Variants in CNBD1 observed in about 807,000 individuals in gnomAD.
The protein encoded by CNBD1 is cyclic nucleotide binding domain containing 1.
A neutral mutation model predicts 54.4 loss-of-function variants in CNBD1; 71 were observed. The observed-to-expected ratio is 1.30, with a 90% CI of 1.08 to 1.59. The LOEUF (loss-of-function observed/expected upper bound fraction) is 1.59. Among genes scored for constraint, CNBD1 ranks in the 40% most tolerant of loss-of-function variants. CNBD1 has a pLI of 0.00. For missense variants in CNBD1, 659 were observed against 518.0 expected (o/e 1.27, Z -2.64); for synonymous variants, 182 against 170.7 (o/e 1.07, Z -0.51).
intron 4 of CNBD1, among the ~76,000 whole-genome samples, chr8:87,140,835 G>A (rs961363855): frequency 3.3e-5 from 5 of 152,120 alleles, no homozygotes; most frequent in Admixed American, 6.5e-5. Context: ...GGCATAACTG[G>A]TGACAGTATG....
chr8:87,373,868 A>C (rs1364357251), intron 10 of CNBD1, among the ~76,000 whole-genome samples: 1 of 151,518 alleles, frequency 6.6e-6, no homozygotes, highest in Non-Finnish European at 1.5e-5. Context: ...CTATGCCTGT[A>C]CAAATGTAAT....
At chr8:86,905,745 A>G (rs1770703199) in intron 3 of CNBD1, among the ~76,000 whole-genome samples, 1 of 152,210 alleles carries the variant, frequency 6.6e-6, no homozygotes, top group Non-Finnish European at 1.5e-5. Context: ...TAAAGGATGA[A>G]GGTAGATTGC....
At chr8:87,258,686 T>C (rs976847994) in intron 6 of CNBD1, among the ~76,000 whole-genome samples, 1 of 152,172 alleles carries the variant, frequency 6.6e-6, no homozygotes, top group African/African-American at 2.4e-5. Context: ...TCAACCCCAA[T>C]TTTCAGTAAA....
chr8:87,018,621 T>A (rs1006654326), intron 4 of CNBD1, among the ~76,000 whole-genome samples: 2 of 152,200 alleles, frequency 1.3e-5, no homozygotes, highest in African/African-American at 2.4e-5. Flanking sequence ...TAAATGTTAT[T>A]TATCTCTTTT....
rs754680070 is a variant in CNBD1, at chr8:87,237,000, G to A, written c.659G>A (p.Gly220Glu). Residue 220 changes from glycine (G) to glutamate (E), a missense_variant, in exon 6 of 11, where the codon GGA (glycine) becomes GAA (glutamate). Transcript: ENST00000518476. ...AACGTGTATAAAAATCTGATTGAAGGAAGTGATTCACCAGACTCGTTCATA... is the reference window on the plus strand; with the variant it reads ...AACGTGTATAAAAATCTGATTGAAGAAAGTGATTCACCAGACTCGTTCATA... ...QTNVYKNLIE[G>E]SDSPDSFISQ... 1.2e-5 allele frequency: 19 copies of A among 1,612,216 alleles called. No homozygotes were observed. The highest frequency in any genetic ancestry group is 2.2e-5 in the South Asian group (2 of 90,988).
intron 8 of CNBD1, among the ~76,000 whole-genome samples, chr8:87,309,294 G>A (rs1006440363): frequency 2.6e-5 from 4 of 151,830 alleles, no homozygotes; most frequent in African/African-American, 4.8e-5. Flanking sequence ...TAATATAATC[G>A]GTTTCTTCTT....
chr8:86,953,961 G>A lies in CNBD1; in HGVS notation c.431+14207G>A, dbSNP rs75816068. 1.4e-3 allele frequency among the ~76,000 whole-genome samples: 210 copies of A among 152,286 alleles called. 3 individuals carry two copies. The East Asian group carries it at 0.038, about 27-fold the overall frequency. Reference sequence around the variant, plus strand: ...CAGGGGCTCTCTTTAGCATTGAAATGCTAGGGATTAGGAAAGACAATTTCG... The same window carrying A: ...CAGGGGCTCTCTTTAGCATTGAAATACTAGGGATTAGGAAAGACAATTTCG... On this transcript the variant is annotated intron_variant, in intron 4 of 10. Coordinates refer to ENST00000518476, the MANE Select transcript of CNBD1 (RefSeq NM_173538.3).
intron 8 of CNBD1, among the ~76,000 whole-genome samples, chr8:87,329,037 A>T (rs1027100719): frequency 5.7e-5 from 8 of 140,182 alleles, no homozygotes; most frequent in Non-Finnish European, 1.3e-4. Flanking sequence ...CTTTTCTCCT[A>T]GGAGTTTTAT....
intron 5 of CNBD1, among the ~76,000 whole-genome samples, chr8:87,236,146 A>C (rs1363746472): frequency 1.3e-5 from 2 of 152,184 alleles, no homozygotes; most frequent in Non-Finnish European, 2.9e-5. Context: ...ATATCTCCTG[A>C]CAGCACTTGA....
chr8:87,327,654 C>T (rs1287109980), intron 8 of CNBD1, among the ~76,000 whole-genome samples: 1 of 152,216 alleles, frequency 6.6e-6, no homozygotes, highest in African/African-American at 2.4e-5. Flanking sequence ...CCTCGCCCTG[C>T]TTCGGCTCGT....
At chr8:86,877,091 A>G (rs1031475574) in intron 1 of CNBD1, among the ~76,000 whole-genome samples, 21 of 152,052 alleles carry the variant, frequency 1.4e-4, no homozygotes, top group African/African-American at 2.4e-5. Flanking sequence ...TTGTTGCAAC[A>G]AATATTTAAG....
intron 8 of CNBD1, among the ~76,000 whole-genome samples, chr8:87,342,503 CATT>C (rs1285807172): frequency 6.6e-6 from 1 of 151,882 alleles, no homozygotes; most frequent in African/African-American, 2.4e-5. Context: ...ATAATGTAAA[CATT>C]ATGTATACAT....
intron 4 of CNBD1, among the ~76,000 whole-genome samples, chr8:87,123,213 A>G (rs779485849): frequency 2.4e-4 from 37 of 151,836 alleles, no homozygotes; most frequent in Non-Finnish European, 4.9e-4. Flanking sequence ...AGCATAATAT[A>G]CCATAATGTA....
At chr8:87,053,682 G>C (rs1810357145) in intron 4 of CNBD1, among the ~76,000 whole-genome samples, 1 of 152,140 alleles carries the variant, frequency 6.6e-6, no homozygotes, top group Admixed American at 6.5e-5. Flanking sequence ...GAAGTCCCTA[G>C]CTCTCTGCTG....
intron 4 of CNBD1, among the ~76,000 whole-genome samples, chr8:87,031,464 A>T (rs1809789487): frequency 6.6e-6 from 1 of 152,148 alleles, no homozygotes; most frequent in Non-Finnish European, 1.5e-5. Context: ...TAGTGGCTAG[A>T]ATTGAGAGAA....
chr8:87,178,191 G>T (rs1314421872), intron 4 of CNBD1, among the ~76,000 whole-genome samples: 1 of 152,160 alleles, frequency 6.6e-6, no homozygotes, highest in Non-Finnish European at 1.5e-5. Flanking sequence ...TCCAGTGGGA[G>T]GTAACTGACA....
chr8:87,332,350 GAAAAAAA>G (rs34418577), intron 8 of CNBD1, among the ~76,000 whole-genome samples: 8 of 116,390 alleles, frequency 6.9e-5, no homozygotes, highest in African/African-American at 1.6e-4. Context: ...TCTGTCTAAA[GAAAAAAA>G]AAAAAAAAAG....
chr8:87,246,317 T>C (rs1807803521), intron 6 of CNBD1, among the ~76,000 whole-genome samples: 1 of 152,178 alleles, frequency 6.6e-6, no homozygotes, highest in African/African-American at 2.4e-5. Flanking sequence ...GAGAAGCTTT[T>C]GGGTTTGCAA....
At chr8:87,177,808 A>G (rs1372689317) in intron 4 of CNBD1, among the ~76,000 whole-genome samples, 1 of 152,220 alleles carries the variant, frequency 6.6e-6, no homozygotes, top group Non-Finnish European at 1.5e-5. Flanking sequence ...GTTTTAATGT[A>G]GAAGAATTGC....
Sources: gnomAD v4.1 joint callset for allele counts (sites outside exome capture counted in the v4.1 genomes callset) on GRCh38, gnomAD v4.1.1 for gene constraint, MANE v1.5 for transcripts, NCBI Gene and HGNC (gene_info 2026-07-23, HGNC 2026-07-21) for gene names.